The following ANGPT1 variants were observed in gnomAD, a reference collection of about 807,000 sequenced individuals.
ANGPT1 encodes the protein angiopoietin 1.
In ANGPT1, 17 loss-of-function variants were observed where a neutral mutation model predicts 62.2. The observed-to-expected ratio is 0.27, with a 90% CI of 0.19 to 0.41. The LOEUF (loss-of-function observed/expected upper bound fraction) is 0.41, where lower values mean the gene tolerates loss of function less well. ANGPT1 is among the 10% of genes least tolerant of loss of function. The pLI is 1.00. For synonymous variants in ANGPT1, 199 were observed against 198.9 expected, an observed-to-expected ratio of 1.00 and a Z score of 0.00; for missense variants, 478 against 594.9, an observed-to-expected ratio of 0.80 and a Z score of 2.04.
chr8:107,373,905 A>G (rs1816469588), intron 1 of ANGPT1, among the ~76,000 whole-genome samples: 1 of 152,242 alleles, frequency 6.6e-6, no homozygotes, highest in South Asian at 2.1e-4. Flanking sequence ...GTTAAGAAGA[A>G]GAGTCTTGGA....
intron 1 of ANGPT1, among the ~76,000 whole-genome samples, chr8:107,355,393 A>C (rs1278518351): frequency 6.6e-6 from 1 of 152,158 alleles, no homozygotes; most frequent in Non-Finnish European, 1.5e-5. Context: ...TCCATGCCAT[A>C]GCCAGTGGGA....
intron 1 of ANGPT1, among the ~76,000 whole-genome samples, chr8:107,357,287 G>A (rs2130191857): frequency 6.6e-6 from 1 of 152,214 alleles, no homozygotes. Flanking sequence ...CAGAAGAATG[G>A]AAGAATTAAA....
chr8:107,312,198 C>T (rs1004082368), intron 4 of ANGPT1, among the ~76,000 whole-genome samples: 1 of 152,194 alleles, frequency 6.6e-6, no homozygotes, highest in African/African-American at 2.4e-5. Context: ...CTTTGGGCAC[C>T]CTGTTGGGCA....
intron 1 of ANGPT1, among the ~76,000 whole-genome samples, chr8:107,415,107 C>T (rs61495202): frequency 0.059 from 8,944 of 152,168 alleles, 322 homozygotes; most frequent in South Asian, 0.12. Flanking sequence ...TCATTCAAAA[C>T]CAACACGATT....
intron 1 of ANGPT1, among the ~76,000 whole-genome samples, chr8:107,388,478 C>T (rs552409670): frequency 6.6e-6 from 1 of 152,146 alleles, no homozygotes; most frequent in African/African-American, 2.4e-5. Context: ...AGTCAATGAT[C>T]AATATACCTG....
chr8:107,394,925 T>TA (rs1295629252), intron 1 of ANGPT1, among the ~76,000 whole-genome samples: 1 of 152,166 alleles, frequency 6.6e-6, no homozygotes, highest in African/African-American at 2.4e-5. Context: ...TTAAAAACCC[T>TA]AAGGATAATT....
At chr8:107,444,773 G>A (rs1187494898) in intron 1 of ANGPT1, among the ~76,000 whole-genome samples, 1 of 152,072 alleles carries the variant, frequency 6.6e-6, no homozygotes, top group Non-Finnish European at 1.5e-5. Flanking sequence ...AAGCATGTAA[G>A]ACAATGATTT....
intron 1 of ANGPT1, among the ~76,000 whole-genome samples, chr8:107,394,299 T>C (rs1816891932): frequency 6.6e-6 from 1 of 152,190 alleles, no homozygotes; most frequent in Non-Finnish European, 1.5e-5. Context: ...CTCTTCTAGT[T>C]GACTCTTACT....
intron 7 of ANGPT1, among the ~76,000 whole-genome samples, chr8:107,272,319 TTG>T (rs1813756185): frequency 6.6e-6 from 1 of 152,040 alleles, no homozygotes; most frequent in Non-Finnish European, 1.5e-5. Context: ...CTTTAGAAAA[TTG>T]AGTTTCACTT....
At chr8:107,431,200 T>C (rs1811177523) in intron 1 of ANGPT1, among the ~76,000 whole-genome samples, 1 of 152,210 alleles carries the variant, frequency 6.6e-6, no homozygotes, top group Non-Finnish European at 1.5e-5. Flanking sequence ...CATTACATTG[T>C]ATATAGTATA....
chr8:107,271,083 A>G (rs1813722951), intron 7 of ANGPT1, among the ~76,000 whole-genome samples: 2 of 152,018 alleles, frequency 1.3e-5, no homozygotes, highest in South Asian at 4.1e-4. Context: ...TCCTCCACAC[A>G]CACGAAATGG....
At chr8:107,415,840 T>C (rs952442661) in intron 1 of ANGPT1, among the ~76,000 whole-genome samples, 1 of 152,098 alleles carries the variant, frequency 6.6e-6, no homozygotes, top group African/African-American at 2.4e-5. Context: ...ATATACTAGG[T>C]AGTCATGGAG....
intron 6 of ANGPT1, 76 bp from the exon 7 acceptor site, chr8:107,284,924 AAAT>A (rs1426531388): frequency 8.9e-7 from 1 of 1,127,422 alleles, no homozygotes; most frequent in Non-Finnish European, 1.2e-6. Context: ...ACTATTTTCT[AAAT>A]AATAATTAAA....
chr8:107,445,533 T>C (rs1386221347), intron 1 of ANGPT1, among the ~76,000 whole-genome samples: 1 of 152,184 alleles, frequency 6.6e-6, no homozygotes, highest in Admixed American at 6.5e-5. Flanking sequence ...CTCCTACTTT[T>C]TTTTTCCAAA....
At chr8:107,350,030 C>T (rs1169504655) in intron 1 of ANGPT1, among the ~76,000 whole-genome samples, 1 of 152,048 alleles carries the variant, frequency 6.6e-6, no homozygotes, top group Non-Finnish European at 1.5e-5. Flanking sequence ...GAGGAGTTTG[C>T]ACCAGGATGT....
In ANGPT1 at chr8:107,460,780, G is replaced by A. The variant is rs118007021; in HGVS notation, c.297+36482C>T. Among the ~76,000 whole-genome samples the A allele has an allele frequency of 6.6e-5, 10 of 152,242 alleles. No individual in the cohort carries two copies. The East Asian group carries it at 1.9e-3, about 29-fold the overall frequency. ...TTCCAGTTATCTCTCATTTAGATAT[G>A]ATTTTCAGTTAAATCCTAACAGACA... is the stretch of plus-strand genomic sequence containing the variant. On this transcript the variant is annotated intron_variant, in intron 1 of 8. Transcript: ENST00000517746.
At chr8:107,290,118 G>A (rs890461476) in intron 6 of ANGPT1, among the ~76,000 whole-genome samples, 2 of 151,996 alleles carry the variant, frequency 1.3e-5, no homozygotes, top group Non-Finnish European at 2.9e-5. Flanking sequence ...AGCCAATGCC[G>A]AGAATCCAAA....
intron 1 of ANGPT1, among the ~76,000 whole-genome samples, chr8:107,486,701 A>G (rs1812824629): frequency 6.6e-6 from 1 of 152,128 alleles, no homozygotes; most frequent in African/African-American, 2.4e-5. Context: ...AAGCTTGCCC[A>G]AGGTTACACA....
rs1813243665 is a variant in ANGPT1 at position 107,251,332 on chromosome 8, CAG to C, written c.*521_*522del. 6.5e-6 allele frequency: 1 copy of C among 153,450 alleles called. No homozygotes were observed. Among genetic ancestry groups the C allele is most frequent in the South Asian group, 2.0e-4 (1 of 4,914 alleles). 9.5% of individuals were successfully genotyped at this position (153,450 alleles called of 1,614,324 possible). On this transcript the variant is annotated 3_prime_UTR_variant, in exon 9 of 9. Transcript: ENST00000517746. ...GAAATCCATTAACATTTAACCAACTCAGAGGACAATGCTGTTCTAAATTTTTA... is the reference window on the plus strand; with the variant it reads ...GAAATCCATTAACATTTAACCAACTCAGGACAATGCTGTTCTAAATTTTTA...
Sources: allele counts gnomAD v4.1 joint callset (sites outside exome capture counted in the v4.1 genomes callset), GRCh38; gene constraint gnomAD v4.1.1; transcripts MANE v1.5; gene names NCBI Gene and HGNC (gene_info 2026-07-23, HGNC 2026-07-21).